The following ZNF431 variants were observed in gnomAD, a reference collection of about 807,000 sequenced individuals.
ZNF431 encodes the protein zinc finger protein 431.
In ZNF431, 34 loss-of-function variants were observed where a neutral mutation model predicts 57.0. The observed-to-expected ratio is 0.60, with a 90% confidence interval of 0.45 to 0.79. The LOEUF is 0.79. Ranked by LOEUF, ZNF431 falls within the 30% of genes least tolerant of loss-of-function variation. The pLI is 0.00. For missense variants in ZNF431, 607 were observed against 667.1 expected, an observed-to-expected ratio of 0.91 and a Z score of 0.99; for synonymous variants, 207 against 220.3, an observed-to-expected ratio of 0.94 and a Z score of 0.54.
In ZNF431 at chr19:21,189,353, A is replaced by AAATG. The variant is rs1212458657; in HGVS notation, c.*5319_*5320insAATG. 1 of 152,100 alleles carries AAATG rather than the reference A, an allele frequency of 6.6e-6. No individual in the cohort carries two copies. The highest frequency in any genetic ancestry group is 1.5e-5 in the Non-Finnish European group (1 of 68,042). 9.4% of individuals were successfully genotyped at this position (152,100 alleles called of 1,614,324 possible). A position where few individuals can be genotyped will look rare whatever the true frequency, so the allele number is the denominator to read the frequency against. On this transcript the variant is annotated 3_prime_UTR_variant, in exon 5 of 5. Coordinates refer to ENST00000311048, the MANE Select transcript of ZNF431 (RefSeq NM_133473.4). ...TACAAAATAAGCAGCGTGTGGTGACACATGCCTGTAATCCAGCTACCCTGG... is the reference window on the plus strand; with the variant it reads ...TACAAAATAAGCAGCGTGTGGTGACAAATGCATGCCTGTAATCCAGCTACCCTGG...
chr19:21,179,697 C>T (rs1175046619), intron 4 of ZNF431, among the ~76,000 whole-genome samples: 1 of 151,598 alleles, frequency 6.6e-6, no homozygotes, highest in Non-Finnish European at 1.5e-5. Context: ...GTAGCTGGGA[C>T]TACAGGTGCC....
At chr19:21,149,862 G>T in intron 2 of ZNF431, 1 of 648,560 alleles carries the variant, frequency 1.5e-6, no homozygotes, top group South Asian at 1.4e-5. Context: ...GTCTTCCTGT[G>T]GACTAGACGT....
Position 21,182,981 on chromosome 19 carries a change from T to C in ZNF431, c.678T>C (p.His226=). 6.2e-7 allele frequency: 1 copy of C among 1,614,098 alleles called. No individual in the cohort carries two copies. Among genetic ancestry groups the C allele is most frequent in the Non-Finnish European group, 8.5e-7 (1 of 1,179,966 alleles). Reference sequence around the variant, plus strand: ...ACCTAAGTCAACATAAAAGAATTCATATTAGAGAGAATTCTTACCAATGTG... The same window carrying C: ...ACCTAAGTCAACATAAAAGAATTCACATTAGAGAGAATTCTTACCAATGTG... ...LLHLSQHKRI[H]IRENSYQCEE... Residue 226 remains histidine (H), a synonymous_variant, in exon 5 of 5, where the codon CAT becomes CAC. Transcript: ENST00000311048.
intron 4 of ZNF431, among the ~76,000 whole-genome samples, chr19:21,181,451 C>T (rs528464390): frequency 5.9e-5 from 9 of 152,124 alleles, no homozygotes; most frequent in South Asian, 2.1e-4. Context: ...GACAGTTCAC[C>T]GGCTATCTCA....
In ZNF431 at chr19:21,193,234, A is replaced by G. The variant is rs1015964976; in HGVS notation, c.*9200A>G. The G allele has an allele frequency of 1.3e-5, 2 of 152,198 alleles. No homozygotes were observed. Among genetic ancestry groups the G allele is most frequent in the East Asian group, 1.9e-4 (1 of 5,184 alleles). 9.4% of individuals were successfully genotyped at this position (152,198 alleles called of 1,614,324 possible). A position where few individuals can be genotyped will look rare whatever the true frequency, so the allele number is the denominator to read the frequency against. On this transcript the variant is annotated 3_prime_UTR_variant, in exon 5 of 5. Coordinates refer to ENST00000311048, the MANE Select transcript of ZNF431 (RefSeq NM_133473.4). ...GTGGAGTTCCACCCTAACTCATTAT[A>G]TAAAATCTGTATCGCTGCACGAGGT...
At chr19:21,157,014 G>A (rs1228250866) in intron 2 of ZNF431, among the ~76,000 whole-genome samples, 2 of 152,128 alleles carry the variant, frequency 1.3e-5, no homozygotes, top group South Asian at 2.1e-4. Flanking sequence ...TTGAGCTAAG[G>A]CAATCCACCT....
In ZNF431 at chr19:21,142,129, T is replaced by C; in HGVS notation, c.-55T>C. On this transcript the variant is annotated 5_prime_UTR_variant, in exon 1 of 5. Transcript: ENST00000311048. ...GCCCAACATCTGTGGCCCTGTGACC[T>C]GCAGGTATTGGGAGACCCACAGCTA... 1.2e-6 allele frequency: 2 copies of C among 1,609,924 alleles called. No homozygotes were observed. Among genetic ancestry groups the C allele is most frequent in the Middle Eastern group, 1.6e-4 (1 of 6,064 alleles).
At position 21,185,632 on chromosome 19, in the gene ZNF431, T is replaced by C. The variant is rs930254431; in HGVS notation, c.*1598T>C. ...CCAGCCACCATGCCCAGCTAATTTG[T>C]GTATTTCTAGTAGAGATGGGGTTTC... On this transcript the variant is annotated 3_prime_UTR_variant, in exon 5 of 5. Transcript: ENST00000311048. 9 of 152,244 alleles carry C rather than the reference T, an allele frequency of 5.9e-5. No individual in the cohort carries two copies. Among genetic ancestry groups the C allele is most frequent in the African/African-American group, 1.9e-4 (8 of 41,538 alleles). 9.4% of individuals were successfully genotyped at this position (152,244 alleles called of 1,614,324 possible).
rs2145077216 is a variant in ZNF431, at chr19:21,190,503, T to A, written c.*6469T>A. ...ATCTTTACCAACACTTTTTTCTTTTTCTTTTAATAAGAGTTATTCTAACAG... is the reference window on the plus strand; with the variant it reads ...ATCTTTACCAACACTTTTTTCTTTTACTTTTAATAAGAGTTATTCTAACAG... On this transcript the variant is annotated 3_prime_UTR_variant, in exon 5 of 5. Coordinates refer to ENST00000311048, the MANE Select transcript of ZNF431 (RefSeq NM_133473.4). 1 of 152,272 alleles carries A rather than the reference T, an allele frequency of 6.6e-6. No homozygotes were observed. The highest frequency in any genetic ancestry group is 1.5e-5 in the Non-Finnish European group (1 of 68,020). 9.4% of individuals were successfully genotyped at this position (152,272 alleles called of 1,614,324 possible).
At position 21,192,370 on chromosome 19, in the gene ZNF431, G is replaced by T. The variant is rs866057254; in HGVS notation, c.*8336G>T. 1 of 152,032 alleles carries T rather than the reference G, an allele frequency of 6.6e-6. No individual in the cohort carries two copies. Among genetic ancestry groups the T allele is most frequent in the African/African-American group, 2.4e-5 (1 of 41,402 alleles). 9.4% of individuals were successfully genotyped at this position (152,032 alleles called of 1,614,324 possible). On this transcript the variant is annotated 3_prime_UTR_variant, in exon 5 of 5. Coordinates refer to ENST00000311048, the MANE Select transcript of ZNF431 (RefSeq NM_133473.4). ...TTCTATAGAGATGGGGTTTCCCTACGTTGGCCAGACTGGTCTTGAACTCCT... is the reference window on the plus strand; with the variant it reads ...TTCTATAGAGATGGGGTTTCCCTACTTTGGCCAGACTGGTCTTGAACTCCT...
chr19:21,157,602 G>A (rs1317073228), intron 2 of ZNF431, among the ~76,000 whole-genome samples: 1 of 146,982 alleles, frequency 6.8e-6, no homozygotes, highest in Non-Finnish European at 1.5e-5. Context: ...TGGGACCTTG[G>A]CTCACTGCAA....
rs1002331542 is a variant in ZNF431, at chr19:21,192,589, T to C, written c.*8555T>C. 1.3e-5 allele frequency: 2 copies of C among 152,174 alleles called. No individual in the cohort carries two copies. The highest frequency in any genetic ancestry group is 2.4e-5 in the African/African-American group (1 of 41,432). The allele number at this position is 152,174 out of a possible 1,614,324, so 9.4% of individuals were successfully genotyped here. On this transcript the variant is annotated 3_prime_UTR_variant, in exon 5 of 5. Coordinates refer to ENST00000311048, the MANE Select transcript of ZNF431 (RefSeq NM_133473.4). ...CTCAATTTGGATGCCTTTGATTTTT[T>C]TCTCTAATTTCTTTGTCTTGGATAT...
intron 2 of ZNF431, among the ~76,000 whole-genome samples, chr19:21,147,998 T>A (rs548954961): frequency 5.0e-4 from 75 of 150,094 alleles, no homozygotes; most frequent in African/African-American, 1.7e-3. Context: ...GAATTTTTTT[T>A]AATTTTTTTT....
rs1212930141 is a variant in ZNF431, at chr19:21,183,512, AGT to A, written c.1215_1216del (p.Cys405TrpfsTer5). On this transcript the variant is annotated frameshift_variant, in exon 5 of 5. Transcript: ENST00000311048. LOFTEE classifies it high-confidence loss of function. ...HTGEKPYKCE[V>X]CGKAFNESSN... ...CTGGAGAGAAACCCTACAAATGTGA[AGT>A]GTGTGGCAAAGCCTTTAATGAGTCC... 6.8e-6 allele frequency: 11 copies of A among 1,613,778 alleles called. No individual in the cohort carries two copies. The South Asian group carries it at 1.2e-4, about 18-fold the overall frequency.
chr19:21,142,082 T>C lies in ZNF431; in HGVS notation c.-102T>C, dbSNP rs962706186. 128 of 1,507,302 alleles carry C rather than the reference T, an allele frequency of 8.5e-5. No homozygotes were observed. Among genetic ancestry groups the C allele is most frequent in the Non-Finnish European group, 1.1e-4 (124 of 1,088,254 alleles). The allele number at this position is 1,507,302 out of a possible 1,614,324, so 93.4% of individuals were successfully genotyped here. ...GAGCTCCAGGTCTCCCCTTCGCTGC[T>C]CTGTGTCCTCTGCTCCTAGAGGCCC... On this transcript the variant is annotated 5_prime_UTR_variant, in exon 1 of 5. Transcript: ENST00000311048.
At chr19:21,159,861 A>AATTT in intron 2 of ZNF431, among the ~76,000 whole-genome samples, 1 of 152,140 alleles carries the variant, frequency 6.6e-6, no homozygotes, top group Admixed American at 6.5e-5. Flanking sequence ...TGGCCTATTC[A>AATTT]GGGATTCTGT....
intron 2 of ZNF431, chr19:21,162,603 C>A: frequency 2.1e-6 from 1 of 487,068 alleles, no homozygotes; most frequent in Non-Finnish European, 2.7e-6. Flanking sequence ...CCACACCCGA[C>A]CAGATTCACC....
intron 2 of ZNF431, 142 bp downstream of exon 2, chr19:21,143,785 C>A: frequency 2.0e-6 from 1 of 504,912 alleles, no homozygotes; most frequent in Non-Finnish European, 3.4e-6. Flanking sequence ...TCTTAGGGGG[C>A]AGAAAGATAA....
chr19:21,152,670 C>G (rs530469320), intron 2 of ZNF431, among the ~76,000 whole-genome samples: 1 of 152,192 alleles, frequency 6.6e-6, no homozygotes, highest in African/African-American at 2.4e-5. Context: ...TTAAGAGGAG[C>G]CTTTAACCCA....
Sources: allele counts gnomAD v4.1 joint callset (sites outside exome capture counted in the v4.1 genomes callset), GRCh38; gene constraint gnomAD v4.1.1; transcripts MANE v1.5; gene names NCBI Gene and HGNC (gene_info 2026-07-23, HGNC 2026-07-21).